The following CADM1 variants were observed in gnomAD, a reference collection of about 807,000 sequenced individuals.
CADM1 encodes the protein cell adhesion molecule 1.
CADM1 carries 15 observed loss-of-function variants against 53.1 expected under a neutral mutation model. That is an observed-to-expected ratio of 0.28 (90% confidence interval 0.19 to 0.44). The LOEUF (loss-of-function observed/expected upper bound fraction) is 0.44, where lower values mean the gene tolerates loss of function less well. Among genes scored for constraint, CADM1 ranks in the 20% least tolerant of loss-of-function variants. The pLI, the probability that CADM1 is intolerant of heterozygous loss-of-function variation, is 1.00. For missense variants in CADM1, 434 were observed against 611.3 expected (o/e 0.71, Z 3.06); for synonymous variants, 281 against 243.0 (o/e 1.16, Z -1.45).
intron 3 of CADM1, among the ~76,000 whole-genome samples, chr11:115,236,129 C>T (rs1045489013): frequency 6.6e-6 from 1 of 152,212 alleles, no homozygotes; most frequent in Non-Finnish European, 1.5e-5. Context: ...CTAATAGACA[C>T]ATGCACTAAA....
rs1473778334 is a variant in CADM1, at chr11:115,198,719, A to AG, written c.1079-282dup. Among the ~76,000 whole-genome samples, 34 of 152,232 alleles carry AG rather than the reference A, an allele frequency of 2.2e-4. 1 individual carries two copies. Among genetic ancestry groups the AG allele is most frequent in the Admixed American group, 2.2e-3 (34 of 15,286 alleles). On this transcript the variant is annotated intron_variant, in intron 8 of 11. Coordinates refer to ENST00000331581, the MANE Select transcript of CADM1 (RefSeq NM_001301043.2). ...CACATATATTTGCTAGTCAATAGTC[A>AG]GGTGGACATGCAAAGTGATGAGAAA...
chr11:115,448,994 G>A (rs1948512834), intron 1 of CADM1, among the ~76,000 whole-genome samples: 1 of 152,224 alleles, frequency 6.6e-6, no homozygotes, highest in African/African-American at 2.4e-5. Flanking sequence ...ACTTCTGTCT[G>A]AAAGTCTCGC....
intron 1 of CADM1, among the ~76,000 whole-genome samples, chr11:115,408,781 G>A (rs898390072): frequency 3.9e-5 from 6 of 152,180 alleles, no homozygotes; most frequent in Non-Finnish European, 8.8e-5. Context: ...ACAGAAGCCA[G>A]GGGCAGAGGG....
At chr11:115,428,945 T>C (rs1331476911) in intron 1 of CADM1, among the ~76,000 whole-genome samples, 1 of 152,172 alleles carries the variant, frequency 6.6e-6, no homozygotes, top group Admixed American at 6.5e-5. Context: ...CATCTCACGT[T>C]TGAGGCCCAG....
intron 8 of CADM1, 30 bp downstream of exon 8, chr11:115,209,544 A>G (rs1350167780): frequency 6.2e-7 from 1 of 1,611,890 alleles, no homozygotes; most frequent in Admixed American, 1.7e-5. Context: ...TACATTCAGG[A>G]CATTTTCAAT....
intron 1 of CADM1, among the ~76,000 whole-genome samples, chr11:115,279,518 A>G (rs1476293350): frequency 6.6e-6 from 1 of 152,232 alleles, no homozygotes; most frequent in Non-Finnish European, 1.5e-5. Context: ...TTTGTACAAT[A>G]GATTCTGTAT....
At position 115,240,564 on chromosome 11, in the gene CADM1, A is replaced by G; in HGVS notation, c.125-144T>C. Reference sequence around the variant, plus strand: ...GCATGGCTCTAATACCTTTCTTTGTAGTCTACAAAACGAGTCTGTTAATCG... The same window carrying G: ...GCATGGCTCTAATACCTTTCTTTGTGGTCTACAAAACGAGTCTGTTAATCG... On this transcript the variant is annotated intron_variant, in intron 1 of 11. Coordinates refer to ENST00000331581, the MANE Select transcript of CADM1 (RefSeq NM_001301043.2). 3 of 844,130 alleles carry G rather than the reference A, an allele frequency of 3.6e-6. No individual in the cohort carries two copies. In the South Asian group the frequency reaches 4.4e-5, roughly 12 times the overall value. 52.3% of individuals were successfully genotyped at this position (844,130 alleles called of 1,614,324 possible). A position where few individuals can be genotyped will look rare whatever the true frequency, so the allele number is the denominator to read the frequency against.
At chr11:115,196,449 A>C (rs1940149334) in intron 9 of CADM1, among the ~76,000 whole-genome samples, 1 of 152,076 alleles carries the variant, frequency 6.6e-6, no homozygotes, top group South Asian at 2.1e-4. Flanking sequence ...AATGGTCAAT[A>C]TTTCTTCAAG....
chr11:115,207,317 C>T (rs2134723182), intron 8 of CADM1: 1 of 152,232 alleles, frequency 6.6e-6, no homozygotes, highest in East Asian at 1.9e-4. Flanking sequence ...GCTGAGAGTC[C>T]AGTAGCAGAG....
At chr11:115,221,689 GTC>G (rs1941412229) in intron 5 of CADM1, among the ~76,000 whole-genome samples, 1 of 152,150 alleles carries the variant, frequency 6.6e-6, no homozygotes, top group Admixed American at 6.5e-5. Flanking sequence ...AAAAGACACA[GTC>G]TCCTCTGTAG....
intron 1 of CADM1, among the ~76,000 whole-genome samples, chr11:115,293,380 C>T (rs1030801491): frequency 5.3e-5 from 8 of 151,968 alleles, no homozygotes; most frequent in African/African-American, 1.7e-4. Context: ...TTGCAGTGAG[C>T]GGAGATGGCG....
rs1477753226 is a variant in CADM1, at chr11:115,170,119, C to G, written c.*6355G>C. ...GTGATTAATTAACCTGAGAAGATAG[C>G]ACTTAAGGAAGATTTGAGGCGGTCA... On this transcript the variant is annotated 3_prime_UTR_variant, in exon 12 of 12. Coordinates refer to ENST00000331581, the MANE Select transcript of CADM1 (RefSeq NM_001301043.2). The G allele has an allele frequency of 6.4e-6, 1 of 156,596 alleles. No individual in the cohort carries two copies. Among genetic ancestry groups the G allele is most frequent in the Admixed American group, 6.1e-5 (1 of 16,266 alleles). 9.7% of individuals were successfully genotyped at this position (156,596 alleles called of 1,614,324 possible). A position where few individuals can be genotyped will look rare whatever the true frequency, so the allele number is the denominator to read the frequency against.
chr11:115,177,658 T>G (rs185616717), intron 11 of CADM1, among the ~76,000 whole-genome samples: 26 of 152,006 alleles, frequency 1.7e-4, no homozygotes, highest in Non-Finnish European at 3.7e-4. Flanking sequence ...TCTCTGGCCT[T>G]ACCTCCTGTC....
At position 115,279,190 on chromosome 11, in the gene CADM1, A is replaced by G. The variant is rs563551360; in HGVS notation, c.125-38770T>C. Among the ~76,000 whole-genome samples, 26 of 152,302 alleles carry G rather than the reference A, an allele frequency of 1.7e-4. No individual in the cohort carries two copies. The South Asian group carries it at 4.6e-3, about 27-fold the overall frequency. ...TTGTGGACAGACCCTTTAACAACCCATAAGTCAGAAAACTAGACTCATTAG... is the reference window on the plus strand; with the variant it reads ...TTGTGGACAGACCCTTTAACAACCCGTAAGTCAGAAAACTAGACTCATTAG... On this transcript the variant is annotated intron_variant, in intron 1 of 11. Coordinates refer to ENST00000331581, the MANE Select transcript of CADM1 (RefSeq NM_001301043.2).
intron 1 of CADM1, among the ~76,000 whole-genome samples, chr11:115,265,083 C>T (rs940844600): frequency 2.6e-5 from 4 of 152,172 alleles, no homozygotes; most frequent in Admixed American, 6.5e-5. Flanking sequence ...TGTTTGCTCT[C>T]GAAATATTGT....
chr11:115,285,854 G>A lies in CADM1; in HGVS notation c.125-45434C>T, dbSNP rs566591512. Among the ~76,000 whole-genome samples the A allele has an allele frequency of 3.9e-4, 60 of 152,102 alleles. 1 individual carries two copies. The highest frequency in any genetic ancestry group is 3.4e-3 in the Middle Eastern group (1 of 294). ...AGCTTGAATCTTAGCATGAATCCCCGGTGCCCCGCCAAGAGCCTGAAACCT... is the reference window on the plus strand; with the variant it reads ...AGCTTGAATCTTAGCATGAATCCCCAGTGCCCCGCCAAGAGCCTGAAACCT... On this transcript the variant is annotated intron_variant, in intron 1 of 11. Coordinates refer to ENST00000331581, the MANE Select transcript of CADM1 (RefSeq NM_001301043.2).
At chr11:115,342,757 T>TG (rs1945482198) in intron 1 of CADM1, among the ~76,000 whole-genome samples, 1 of 152,154 alleles carries the variant, frequency 6.6e-6, no homozygotes, top group Non-Finnish European at 1.5e-5. Context: ...TTACCACAGT[T>TG]AGTTTCATTT....
At chr11:115,267,822 G>A (rs998755780) in intron 1 of CADM1, among the ~76,000 whole-genome samples, 4 of 151,464 alleles carry the variant, frequency 2.6e-5, no homozygotes. Flanking sequence ...CCTCCGAGAA[G>A]GACACGTGCA....
In CADM1 at chr11:115,388,462, C is replaced by T. The variant is rs560149928; in HGVS notation, c.124+115809G>A. Among the ~76,000 whole-genome samples the T allele has an allele frequency of 1.4e-3, 216 of 152,140 alleles. 2 individuals carry two copies. Among genetic ancestry groups the T allele is most frequent in the African/African-American group, 5.1e-3 (212 of 41,516 alleles). On this transcript the variant is annotated intron_variant, in intron 1 of 11. Transcript: ENST00000331581. ...TGCATGCTCTTAAAGTGCCTTCCCA[C>T]GGATTGCTTATTAGTTGTAAGGGTT...
Sources: gnomAD v4.1 joint callset for allele counts (sites outside exome capture counted in the v4.1 genomes callset) on GRCh38, gnomAD v4.1.1 for gene constraint, MANE v1.5 for transcripts, NCBI Gene and HGNC (gene_info 2026-07-23, HGNC 2026-07-21) for gene names.